The following CNTN5 variants were observed in gnomAD, a reference collection of about 807,000 sequenced individuals.
The protein encoded by CNTN5 is contactin-5.
Under a neutral mutation model 129.1 loss-of-function variants are expected in CNTN5, and 77 were observed. The observed-to-expected ratio is 0.60, with a 90% CI of 0.50 to 0.72. The LOEUF (loss-of-function observed/expected upper bound fraction) is 0.72. CNTN5 is among the 30% of genes least tolerant of loss of function. The pLI, the probability that CNTN5 is intolerant of heterozygous loss-of-function variation, is 0.00. For missense variants in CNTN5, 1,478 were observed against 1,328.8 expected (o/e 1.11, Z -1.75); for synonymous variants, 509 against 465.6 (o/e 1.09, Z -1.20).
chr11:99,919,318 T>G (rs1949875969), intron 7 of CNTN5, among the ~76,000 whole-genome samples: 1 of 151,888 alleles, frequency 6.6e-6, no homozygotes, highest in Admixed American at 6.6e-5. Context: ...GTACCCCTTC[T>G]TCTGCATTTT....
At chr11:100,086,435 T>A (rs557385688) in intron 13 of CNTN5, among the ~76,000 whole-genome samples, 1 of 150,704 alleles carries the variant, frequency 6.6e-6, no homozygotes, top group East Asian at 1.9e-4. Flanking sequence ...AAATAAGGTA[T>A]GCTATTTCCA....
At chr11:99,911,924 A>G (rs1207069646) in intron 6 of CNTN5, among the ~76,000 whole-genome samples, 1 of 151,994 alleles carries the variant, frequency 6.6e-6, no homozygotes, top group Non-Finnish European at 1.5e-5. Flanking sequence ...CCAACTTCCA[A>G]TAATTTACAA....
intron 2 of CNTN5, among the ~76,000 whole-genome samples, chr11:99,334,001 G>A (rs1866115223): frequency 6.7e-6 from 1 of 150,092 alleles, no homozygotes; most frequent in Non-Finnish European, 1.5e-5. Context: ...CACACACAGT[G>A]CATTGTATCC....
intron 8 of CNTN5, among the ~76,000 whole-genome samples, chr11:99,968,110 G>A (rs769295241): frequency 1.3e-5 from 2 of 151,874 alleles, no homozygotes; most frequent in Admixed American, 6.6e-5. Flanking sequence ...CTTTCTTTCA[G>A]TCCATGTGGG....
intron 16 of CNTN5, among the ~76,000 whole-genome samples, chr11:100,240,227 C>CCA (rs1181328344): frequency 1.3e-5 from 2 of 151,920 alleles, no homozygotes; most frequent in African/African-American, 4.8e-5. Flanking sequence ...ACACCCCGCC[C>CCA]CACACCCCCC....
intron 13 of CNTN5, among the ~76,000 whole-genome samples, chr11:100,086,264 A>G (rs1944550055): frequency 6.6e-6 from 1 of 150,920 alleles, no homozygotes; most frequent in Non-Finnish European, 1.5e-5. Flanking sequence ...TCTACCAAAG[A>G]GAAAAGAATT....
intron 21 of CNTN5, among the ~76,000 whole-genome samples, chr11:100,337,778 C>G (rs1295368755): frequency 2.0e-5 from 3 of 152,224 alleles, no homozygotes; most frequent in African/African-American, 7.2e-5. Flanking sequence ...ACTTACTGCT[C>G]TTCTGTTTTG....
At chr11:99,028,527 C>T (rs1414891955) in intron 1 of CNTN5, among the ~76,000 whole-genome samples, 1 of 151,860 alleles carries the variant, frequency 6.6e-6, no homozygotes, top group East Asian at 1.9e-4. Context: ...CAATTTCATG[C>T]TAACATTAGT....
chr11:100,007,329 C>A (rs904257361), intron 9 of CNTN5, among the ~76,000 whole-genome samples: 1 of 152,062 alleles, frequency 6.6e-6, no homozygotes, highest in African/African-American at 2.4e-5. Context: ...AGTTTTGAAA[C>A]CAGACACTGA....
chr11:99,209,155 A>G (rs1431970375), intron 1 of CNTN5, among the ~76,000 whole-genome samples: 2 of 150,116 alleles, frequency 1.3e-5, no homozygotes, highest in African/African-American at 4.8e-5. Flanking sequence ...TCCATCTAGG[A>G]TTTAATAAGA....
chr11:99,710,086 C>A (rs1295348229), intron 3 of CNTN5, among the ~76,000 whole-genome samples: 1 of 151,800 alleles, frequency 6.6e-6, no homozygotes, highest in Non-Finnish European at 1.5e-5. Flanking sequence ...GCAAAGAACG[C>A]ACCTGCTAGG....
At chr11:99,485,371 T>C (rs904897249) in intron 2 of CNTN5, among the ~76,000 whole-genome samples, 2 of 152,052 alleles carry the variant, frequency 1.3e-5, no homozygotes, top group Admixed American at 6.5e-5. Context: ...TGTCATTATA[T>C]ATTTTTCAAA....
At chr11:100,008,870 C>T (rs769987398) in intron 9 of CNTN5, among the ~76,000 whole-genome samples, 3 of 152,108 alleles carry the variant, frequency 2.0e-5, no homozygotes, top group Non-Finnish European at 2.9e-5. Flanking sequence ...ACATTCAAAC[C>T]GTGTTAGAAT....
intron 1 of CNTN5, among the ~76,000 whole-genome samples, chr11:99,187,912 C>T (rs1462911387): frequency 6.6e-6 from 1 of 151,780 alleles, no homozygotes; most frequent in African/African-American, 2.4e-5. Context: ...TCCTTGAACA[C>T]TTCTTTTTTG....
chr11:99,122,465 TATTA>T (rs200373564), intron 1 of CNTN5, among the ~76,000 whole-genome samples: 68 of 150,798 alleles, frequency 4.5e-4, no homozygotes, highest in Non-Finnish European at 7.6e-4. Context: ...TATATTTATT[TATTA>T]ATTATGTACC....
At chr11:99,811,459 TATA>T (rs201120425) in intron 3 of CNTN5, among the ~76,000 whole-genome samples, 4,603 of 148,402 alleles carry the variant, frequency 0.031, 182 homozygotes, top group Admixed American at 0.09. Flanking sequence ...ATATTTTATT[TATA>T]ATATTTATAT....
At chr11:99,144,537 C>T (rs576495567) in intron 1 of CNTN5, among the ~76,000 whole-genome samples, 42 of 152,250 alleles carry the variant, frequency 2.8e-4, no homozygotes, top group Middle Eastern at 3.4e-3. Context: ...TTGCCGTCTC[C>T]TCTCCTCCTG....
chr11:99,814,661 C>A (rs1375930450), intron 3 of CNTN5, among the ~76,000 whole-genome samples: 3 of 151,974 alleles, frequency 2.0e-5, no homozygotes, highest in Non-Finnish European at 2.9e-5. Context: ...GAACTTTAAC[C>A]TGGAAATGGA....
chr11:99,557,500 T>C (rs1330115531), intron 3 of CNTN5, among the ~76,000 whole-genome samples: 1 of 151,482 alleles, frequency 6.6e-6, no homozygotes, highest in African/African-American at 2.4e-5. Context: ...TTTCCTGTAT[T>C]GTGTAACATG....
Sources: gnomAD v4.1 joint callset for allele counts (sites outside exome capture counted in the v4.1 genomes callset) on GRCh38, gnomAD v4.1.1 for gene constraint, MANE v1.5 for transcripts, NCBI Gene and HGNC (gene_info 2026-07-23, HGNC 2026-07-21) for gene names.